The following SEZ6L variants were observed in gnomAD, a reference collection of about 807,000 sequenced individuals.
SEZ6L encodes seizure 6-like protein.
A neutral mutation model predicts 106.2 loss-of-function variants in SEZ6L; 37 were observed. The observed-to-expected ratio is 0.35, with a 90% CI of 0.27 to 0.46. The LOEUF (loss-of-function observed/expected upper bound fraction) is 0.46, where lower values mean the gene tolerates loss of function less well. Among genes scored for constraint, SEZ6L ranks in the 20% least tolerant of loss-of-function variants. SEZ6L has a pLI of 1.00. For missense variants in SEZ6L, 1,172 were observed against 1,332.8 expected (o/e 0.88, Z 1.88); for synonymous variants, 541 against 570.4 (o/e 0.95, Z 0.73).
intron 1 of SEZ6L, among the ~76,000 whole-genome samples, chr22:26,271,604 G>A (rs1177244316): frequency 6.6e-6 from 1 of 152,162 alleles, no homozygotes; most frequent in Non-Finnish European, 1.5e-5. Flanking sequence ...GTGAGATCTG[G>A]TTGTTTACAA....
At position 26,195,242 on chromosome 22, in the gene SEZ6L, G is replaced by A. The variant is rs138985399; in HGVS notation, c.94+25479G>A. 2.6e-4 allele frequency among the ~76,000 whole-genome samples: 40 copies of A among 152,330 alleles called. No individual in the cohort carries two copies. The East Asian group carries it at 7.0e-3, about 26-fold the overall frequency. On this transcript the variant is annotated intron_variant, in intron 1 of 16. Transcript: ENST00000248933. ...CCAATGAGTTAAATATTCCTTGTATGATAAAGCAAAGAGGGGGTGATGAAA... is the reference window on the plus strand; with the variant it reads ...CCAATGAGTTAAATATTCCTTGTATAATAAAGCAAAGAGGGGGTGATGAAA...
intron 1 of SEZ6L, among the ~76,000 whole-genome samples, chr22:26,210,184 G>C (rs927374107): frequency 2.6e-5 from 4 of 152,160 alleles, no homozygotes; most frequent in Non-Finnish European, 4.4e-5. Flanking sequence ...TGCCCTTCAG[G>C]CCAGTGCACA....
Position 26,297,006 on chromosome 22 carries a change from C to T in SEZ6L, c.1088C>T (p.Pro363Leu), listed in dbSNP as rs200639264. 16 of 1,614,122 alleles carry T rather than the reference C, an allele frequency of 9.9e-6. No homozygotes were observed. In the South Asian group the frequency reaches 1.5e-4, roughly 16 times the overall value. Residue 363 changes from proline (P) to leucine (L), a missense_variant, in exon 4 of 17, where the codon CCC becomes CTC. Around this residue, in one of 4 missense-constraint regions of SEZ6L, gnomAD observed 534 missense variants for 691.0 expected, o/e 0.77. Coordinates refer to ENST00000248933, the MANE Select transcript of SEZ6L (RefSeq NM_021115.5). Reference sequence around the variant, plus strand: ...GTGGAGGGGCAGGTAATCCGAAGCCCCACCAACACCATCTCCGTCTACTTC... The same window carrying T: ...GTGGAGGGGCAGGTAATCCGAAGCCTCACCAACACCATCTCCGTCTACTTC... ...LLVEGQVIRS[P>L]TNTISVYFRT...
At chr22:26,180,346 T>A (rs1939309666) in intron 1 of SEZ6L, among the ~76,000 whole-genome samples, 1 of 152,224 alleles carries the variant, frequency 6.6e-6, no homozygotes, top group Non-Finnish European at 1.5e-5. Context: ...AATCCTATCA[T>A]CATTGTAACT....
intron 4 of SEZ6L, 57 bp from the exon 5 acceptor site, chr22:26,298,926 AG>A (rs2081373907): frequency 1.1e-5 from 16 of 1,470,640 alleles, no homozygotes; most frequent in Non-Finnish European, 1.5e-5. Context: ...GATGTGGGTC[AG>A]GTTCTTGATC....
chr22:26,332,890 A>C (rs560460553), intron 9 of SEZ6L, among the ~76,000 whole-genome samples: 1 of 152,240 alleles, frequency 6.6e-6, no homozygotes, highest in Non-Finnish European at 1.5e-5. Flanking sequence ...TTTGGCATCA[A>C]AAGACGTAGG....
At chr22:26,369,755 A>C (rs2083961646) in intron 13 of SEZ6L, among the ~76,000 whole-genome samples, 1 of 151,996 alleles carries the variant, frequency 6.6e-6, no homozygotes, top group Non-Finnish European at 1.5e-5. Flanking sequence ...ATTTTGACTA[A>C]GTCCAGCCCA....
At chr22:26,204,777 A>G (rs1033976204) in intron 1 of SEZ6L, among the ~76,000 whole-genome samples, 1 of 152,238 alleles carries the variant, frequency 6.6e-6, no homozygotes, top group East Asian at 1.9e-4. Flanking sequence ...GTTGGAGCTC[A>G]TCACATTTGC....
chr22:26,323,826 A>C (rs530227470), intron 9 of SEZ6L, among the ~76,000 whole-genome samples: 7 of 152,238 alleles, frequency 4.6e-5, no homozygotes, highest in Admixed American at 2.0e-4. Context: ...ACATTCATTG[A>C]GTACTTACAA....
chr22:26,282,664 TCGA>T (rs1423314989), intron 1 of SEZ6L, among the ~76,000 whole-genome samples: 1 of 152,162 alleles, frequency 6.6e-6, no homozygotes, highest in Non-Finnish European at 1.5e-5. Flanking sequence ...TAGAGAAAGC[TCGA>T]GAGTACCTCA....
intron 1 of SEZ6L, among the ~76,000 whole-genome samples, chr22:26,224,839 A>C (rs2078589879): frequency 2.0e-5 from 3 of 152,284 alleles, no homozygotes; most frequent in African/African-American, 7.2e-5. Context: ...TTGCCACGAT[A>C]ATGCTGTGTA....
chr22:26,266,565 T>G (rs1013350274), intron 1 of SEZ6L, among the ~76,000 whole-genome samples: 7 of 146,046 alleles, frequency 4.8e-5, no homozygotes, highest in Admixed American at 2.1e-4. Context: ...AGAGCGAGAC[T>G]CCGTCTCAAA....
intron 1 of SEZ6L, among the ~76,000 whole-genome samples, chr22:26,252,954 G>T (rs760170591): frequency 6.6e-6 from 1 of 152,176 alleles, no homozygotes; most frequent in Non-Finnish European, 1.5e-5. Flanking sequence ...AGGATTGCTA[G>T]GTCGAATTGT....
At chr22:26,320,429 A>G (rs1371118712) in intron 9 of SEZ6L, among the ~76,000 whole-genome samples, 2 of 152,248 alleles carry the variant, frequency 1.3e-5, no homozygotes, top group Non-Finnish European at 2.9e-5. Context: ...AGCCAGTGTC[A>G]TCCCGGGGCC....
At chr22:26,184,199 T>C (rs1035795236) in intron 1 of SEZ6L, among the ~76,000 whole-genome samples, 2 of 152,184 alleles carry the variant, frequency 1.3e-5, no homozygotes, top group African/African-American at 4.8e-5. Flanking sequence ...ATCACTTGCC[T>C]TTCTCCTTTT....
chr22:26,322,949 C>G (rs1270729698), intron 9 of SEZ6L, among the ~76,000 whole-genome samples: 1 of 152,198 alleles, frequency 6.6e-6, no homozygotes, highest in East Asian at 1.9e-4. Context: ...ACACCCCTTC[C>G]CCAACTCTCA....
chr22:26,242,256 A>C (rs2079160706), intron 1 of SEZ6L, among the ~76,000 whole-genome samples: 1 of 152,202 alleles, frequency 6.6e-6, no homozygotes, highest in Admixed American at 6.5e-5. Flanking sequence ...TTCCTAACAC[A>C]ACCTCGGGGC....
At chr22:26,272,212 T>G (rs942411440) in intron 1 of SEZ6L, among the ~76,000 whole-genome samples, 5 of 152,236 alleles carry the variant, frequency 3.3e-5, no homozygotes, top group Admixed American at 1.3e-4. Flanking sequence ...ATGTTTTGCA[T>G]ATTTATCTGG....
chr22:26,336,504 C>G (rs1435524629), intron 9 of SEZ6L, among the ~76,000 whole-genome samples: 1 of 152,190 alleles, frequency 6.6e-6, no homozygotes, highest in Admixed American at 6.5e-5. Context: ...TCTGGAGAAT[C>G]CAAATGCAAT....
Sources: allele counts gnomAD v4.1 joint callset (sites outside exome capture counted in the v4.1 genomes callset), GRCh38; gene constraint gnomAD v4.1.1; regional missense constraint gnomAD v4.1.1; transcripts MANE v1.5; gene names NCBI Gene and HGNC (gene_info 2026-07-23, HGNC 2026-07-21).